TEAD1: variants seen among roughly 807,000 people sequenced by gnomAD.
TEAD1 encodes the protein TEA domain transcription factor 1, also known as transcriptional enhancer factor TEF-1.
TEAD1 carries 9 observed loss-of-function variants against 54.9 expected under a neutral mutation model. The ratio of observed to expected loss-of-function variants is 0.16; its 90% CI spans 0.10 to 0.29. The LOEUF is 0.29. Among genes scored for constraint, TEAD1 ranks in the 10% least tolerant of loss-of-function variants. TEAD1 has a pLI of 1.00. For missense variants in TEAD1, 387 were observed against 535.9 expected (o/e 0.72, Z 2.74); for synonymous variants, 200 against 187.8 (o/e 1.07, Z -0.53).
chr11:12,920,590 A>C (rs922878321), intron 10 of TEAD1, among the ~76,000 whole-genome samples: 1 of 152,170 alleles, frequency 6.6e-6, no homozygotes, highest in African/African-American at 2.4e-5. Context: ...CTCCTGCCTC[A>C]GCCTCCTGAG....
intron 2 of TEAD1, among the ~76,000 whole-genome samples, chr11:12,727,069 G>A (rs547454589): frequency 9.2e-5 from 14 of 151,404 alleles, no homozygotes; most frequent in East Asian, 3.9e-4. Context: ...GTGAAACCCC[G>A]TCTCTACTAA....
intron 2 of TEAD1, among the ~76,000 whole-genome samples, chr11:12,721,196 T>G (rs1944189149): frequency 6.6e-6 from 1 of 151,946 alleles, no homozygotes; most frequent in East Asian, 1.9e-4. Flanking sequence ...TGAGGACGAG[T>G]GAGTGTAGAA....
chr11:12,795,749 G>A (rs1235112718), intron 3 of TEAD1, among the ~76,000 whole-genome samples: 1 of 152,158 alleles, frequency 6.6e-6, no homozygotes, highest in East Asian at 1.9e-4. Context: ...AAGATCCCCA[G>A]GTGATTTGGG....
At chr11:12,914,618 C>A (rs1179059541) in intron 10 of TEAD1, among the ~76,000 whole-genome samples, 1 of 152,254 alleles carries the variant, frequency 6.6e-6, no homozygotes, top group African/African-American at 2.4e-5. Flanking sequence ...CTTCAAGGGT[C>A]TTAGCCAGAA....
chr11:12,730,118 C>T (rs1944388917), intron 2 of TEAD1, among the ~76,000 whole-genome samples: 1 of 152,200 alleles, frequency 6.6e-6, no homozygotes, highest in Admixed American at 6.5e-5. Flanking sequence ...TGAGTTAATA[C>T]AGGACTCATT....
chr11:12,812,525 A>G (rs1946324109), intron 3 of TEAD1, among the ~76,000 whole-genome samples: 1 of 152,242 alleles, frequency 6.6e-6, no homozygotes, highest in Non-Finnish European at 1.5e-5. Flanking sequence ...GTAGAGGGAC[A>G]GATTCACATT....
At chr11:12,752,274 C>T (rs1368606532) in intron 2 of TEAD1, among the ~76,000 whole-genome samples, 2 of 140,146 alleles carry the variant, frequency 1.4e-5, no homozygotes, top group East Asian at 4.2e-4. Context: ...TATTGAAGTC[C>T]AACTTACATA....
chr11:12,721,785 G>A (rs1282266377), intron 2 of TEAD1, among the ~76,000 whole-genome samples: 1 of 152,144 alleles, frequency 6.6e-6, no homozygotes, highest in Non-Finnish European at 1.5e-5. Flanking sequence ...ACTCATTTGA[G>A]CAAGTACAAG....
At chr11:12,811,614 AG>A (rs1156700468) in intron 3 of TEAD1, among the ~76,000 whole-genome samples, 1 of 152,166 alleles carries the variant, frequency 6.6e-6, no homozygotes, top group African/African-American at 2.4e-5. Context: ...AACAGGAGTC[AG>A]GGCTGGAGAG....
chr11:12,856,692 T>A (rs1181532493), intron 3 of TEAD1, among the ~76,000 whole-genome samples: 2 of 152,174 alleles, frequency 1.3e-5, no homozygotes, highest in Non-Finnish European at 2.9e-5. Flanking sequence ...TGTTTTAATA[T>A]GGAAGAACGG....
intron 3 of TEAD1, among the ~76,000 whole-genome samples, chr11:12,788,020 T>TG (rs905901211): frequency 1.3e-5 from 2 of 151,370 alleles, no homozygotes; most frequent in African/African-American, 4.9e-5. Context: ...TGGAGTGCAA[T>TG]GACTCAGTCT....
At chr11:12,706,780 A>G (rs1943824825) in intron 2 of TEAD1, among the ~76,000 whole-genome samples, 1 of 152,126 alleles carries the variant, frequency 6.6e-6, no homozygotes, top group African/African-American at 2.4e-5. Context: ...ACGGTTCATG[A>G]GCGTTCCAAG....
intron 3 of TEAD1, among the ~76,000 whole-genome samples, chr11:12,855,791 A>T (rs908057701): frequency 6.6e-6 from 1 of 151,750 alleles, no homozygotes; most frequent in Non-Finnish European, 1.5e-5. Flanking sequence ...CAAAAAAAAA[A>T]TTTAAGAATT....
At chr11:12,792,859 C>T (rs114664135) in intron 3 of TEAD1, among the ~76,000 whole-genome samples, 1,594 of 152,152 alleles carry the variant, frequency 0.01, 30 homozygotes, top group African/African-American at 0.037. Context: ...AGTTTGAGAC[C>T]AGCCTGGGCA....
chr11:12,879,546 T>C, intron 5 of TEAD1, 162 bp from the exon 6 acceptor site: 2 of 830,660 alleles, frequency 2.4e-6, no homozygotes, highest in Non-Finnish European at 4.0e-6. Context: ...AGGTTGAGTG[T>C]GGTTTAGCCT....
intron 2 of TEAD1, among the ~76,000 whole-genome samples, chr11:12,718,041 TAGA>T (rs1041059498): frequency 6.6e-6 from 1 of 152,118 alleles, no homozygotes; most frequent in Admixed American, 6.5e-5. Context: ...GTGGTGAAGG[TAGA>T]GGAGGAAGAG....
At chr11:12,897,294 C>T (rs1476254255) in intron 9 of TEAD1, among the ~76,000 whole-genome samples, 1 of 152,188 alleles carries the variant, frequency 6.6e-6, no homozygotes, top group Non-Finnish European at 1.5e-5. Context: ...AATAATCCAC[C>T]TTGGCCCACT....
chr11:12,779,050 T>C (rs1462721619), intron 3 of TEAD1, among the ~76,000 whole-genome samples: 3 of 152,218 alleles, frequency 2.0e-5, no homozygotes, highest in African/African-American at 7.2e-5. Context: ...TTCTTTTCCC[T>C]GGTGTATACT....
At chr11:12,823,022 T>TA (rs1327540184) in intron 3 of TEAD1, among the ~76,000 whole-genome samples, 1 of 152,190 alleles carries the variant, frequency 6.6e-6, no homozygotes, top group East Asian at 1.9e-4. Context: ...AGTATTTGGT[T>TA]TTGTTTTTTT....
Sources: allele counts gnomAD v4.1 joint callset (sites outside exome capture counted in the v4.1 genomes callset), GRCh38; gene constraint gnomAD v4.1.1; transcripts MANE v1.5; gene names NCBI Gene and HGNC (gene_info 2026-07-23, HGNC 2026-07-21).